Variants in ECH1 observed in about 807,000 individuals in gnomAD.
ECH1 encodes the protein enoyl-CoA hydratase 1, also known as delta(3,5)-Delta(2,4)-dienoyl-CoA isomerase, mitochondrial.
ECH1 carries 30 observed loss-of-function variants against 37.0 expected under a neutral mutation model. That is an observed-to-expected ratio of 0.81 (90% CI 0.61 to 1.10). The LOEUF is 1.10. Ranked by LOEUF, ECH1 falls within the 50% of genes least tolerant of loss-of-function variation. The pLI is 0.00. For synonymous variants in ECH1, 178 were observed against 176.0 expected, an observed-to-expected ratio of 1.01 and a Z score of -0.09; for missense variants, 456 against 441.6, an observed-to-expected ratio of 1.03 and a Z score of -0.29.
Position 38,816,348 on chromosome 19 carries a change from T to C in ECH1, c.667A>G (p.Asn223Asp). Residue 223 changes from asparagine to aspartate, a missense_variant, in exon 8 of 10, where the codon AAC (asparagine) becomes GAC (aspartate). Physicochemically the swap from Asn to Asp is conservative, Grantham distance 23. Coordinates refer to ENST00000221418, the MANE Select transcript of ECH1 (RefSeq NM_001398.3). ...TTGCGGGCGGTGAAGGCCAGCTCGTTGACCAGGCTGCAAAGGCAAGCGTGC... is the reference window on the plus strand; with the variant it reads ...TTGCGGGCGGTGAAGGCCAGCTCGTCGACCAGGCTGCAAAGGCAAGCGTGC... ...PKVIGNQSLV[N>D]ELAFTARKMM... 1 of 1,613,930 alleles carries C rather than the reference T, an allele frequency of 6.2e-7. No individual in the cohort carries two copies. The highest frequency in any genetic ancestry group is 2.2e-5 in the East Asian group (1 of 44,862).
rs1479867524 is a variant in ECH1 at position 38,831,705 on chromosome 19, G to A, written c.52+16C>T. 1.2e-6 allele frequency: 2 copies of A among 1,613,702 alleles called. No individual in the cohort carries two copies. Among genetic ancestry groups the A allele is most frequent in the Non-Finnish European group, 1.7e-6 (2 of 1,179,906 alleles). On this transcript the variant is annotated intron_variant, in intron 1 of 9. Transcript: ENST00000221418. ...CGACAGCGCGACGCACCCCCATAAG[G>A]CAAGAGGTGACTCACGCCGGGTCAG...
At chr19:38,817,194 G>A (rs1174864054) in intron 5 of ECH1, 65 bp from the exon 6 acceptor site, 8 of 1,551,122 alleles carry the variant, frequency 5.2e-6, no homozygotes, top group East Asian at 4.9e-5. Context: ...CGGGAGGTGG[G>A]GCTGCCTCTT....
rs1971559171 is a variant in ECH1 at position 38,815,623 on chromosome 19, G to C, written c.977C>G (p.Ser326Cys). ...GGGACGCGAGGGCTCTCAGAGCTTG[G>C]AGAAGGTGACGGTTTTCAGTTCCTT... ...ENKELKTVTF[S>C]KL Residue 326 changes from serine (S) to cysteine (C), a missense_variant, in exon 10 of 10, where the codon TCC becomes TGC. By Grantham distance (112) the Ser-to-Cys change is moderately radical. Transcript: ENST00000221418. 6 of 1,614,114 alleles carry C rather than the reference G, an allele frequency of 3.7e-6. No homozygotes were observed. The highest frequency in any genetic ancestry group is 4.2e-6 in the Non-Finnish European group (5 of 1,180,054).
At chr19:38,818,229 C>G in intron 3 of ECH1, 1 of 985,418 alleles carries the variant, frequency 1.0e-6, no homozygotes, top group Non-Finnish European at 1.2e-6. Context: ...AGATGCCAGA[C>G]AGCCTGGGAC....
At chr19:38,816,068 G>A (rs920094266) in intron 8 of ECH1, 61 bp from the exon 9 acceptor site, 6 of 1,598,658 alleles carry the variant, frequency 3.8e-6, no homozygotes, top group Middle Eastern at 2.3e-4. Context: ...CCAGCCTCCC[G>A]CAGATGAAGA....
chr19:38,831,212 T>G (rs547787126), intron 2 of ECH1, 46 bp from the exon 3 acceptor site: 1 of 1,603,354 alleles, frequency 6.2e-7, no homozygotes, highest in Non-Finnish European at 8.5e-7. Flanking sequence ...GGGAATACCC[T>G]GCCCTCATGT....
intron 3 of ECH1, among the ~76,000 whole-genome samples, chr19:38,827,218 G>A (rs1186822880): frequency 1.3e-5 from 2 of 152,194 alleles, no homozygotes; most frequent in African/African-American, 2.4e-5. Flanking sequence ...CTTCCCCACT[G>A]AGTTGGGAAC....
chr19:38,817,608 C>T (rs1357067878), intron 3 of ECH1, 33 bp from the exon 4 acceptor site: 9 of 1,560,016 alleles, frequency 5.8e-6, no homozygotes, highest in Non-Finnish European at 7.9e-6. Flanking sequence ...CTCATCCAGG[C>T]TCCCAGGCCC....
intron 3 of ECH1, chr19:38,818,270 A>G: frequency 3.0e-6 from 3 of 985,430 alleles, no homozygotes; most frequent in Non-Finnish European, 3.6e-6. Flanking sequence ...AATGCAGTCA[A>G]TGGTGGTGAT....
chr19:38,830,718 T>C (rs1971806727), intron 3 of ECH1, among the ~76,000 whole-genome samples: 1 of 150,394 alleles, frequency 6.6e-6, no homozygotes, highest in Non-Finnish European at 1.5e-5. Context: ...TTCAGGCCTA[T>C]AATCCCAGCA....
Position 38,817,484 on chromosome 19 carries a change from A to G in ECH1, c.441T>C (p.Thr147=). The part of the protein sequence containing the change: ...RISWYLRDII[T]RYQETFNVIE... ...TGACGTTGAAGGTCTCCTGGTATCG[A>G]GTGATGATGTCACGGAGGTACCAGC... The change falls in exon 4 of 10, where the codon ACT becomes ACC. Residue 147 remains threonine (T), a synonymous_variant. Coordinates refer to ENST00000221418, the MANE Select transcript of ECH1 (RefSeq NM_001398.3). The G allele has an allele frequency of 6.2e-7, 1 of 1,613,932 alleles. No individual in the cohort carries two copies.
intron 8 of ECH1, 48 bp downstream of exon 8, chr19:38,816,236 C>T (rs780580416): frequency 4.4e-6 from 7 of 1,605,458 alleles, no homozygotes; most frequent in Admixed American, 1.7e-5. Flanking sequence ...CTCCAACCCT[C>T]CAGGCCTGGC....
intron 3 of ECH1, 129 bp downstream of exon 3, chr19:38,830,949 C>T (rs572795388): frequency 8.8e-5 from 69 of 785,766 alleles, no homozygotes; most frequent in African/African-American, 8.5e-4. Flanking sequence ...AGCAAGACCC[C>T]GTCTCAAAAA....
At chr19:38,819,885 C>G (rs1427777233) in intron 3 of ECH1, among the ~76,000 whole-genome samples, 2 of 151,816 alleles carry the variant, frequency 1.3e-5, no homozygotes, top group East Asian at 3.9e-4. Context: ...CCAGGAGTTG[C>G]AGGCTGCGGT....
chr19:38,827,735 C>T (rs1971759568), intron 3 of ECH1, among the ~76,000 whole-genome samples: 1 of 152,150 alleles, frequency 6.6e-6, no homozygotes, highest in Admixed American at 6.5e-5. Flanking sequence ...GGCACGACCA[C>T]AGCTCACTGC....
rs547413368 is a variant in ECH1, at chr19:38,821,780, C to T, written c.350-4205G>A. Among the ~76,000 whole-genome samples, 12 of 152,268 alleles carry T rather than the reference C, an allele frequency of 7.9e-5. No homozygotes were observed. The South Asian group carries it at 1.2e-3, about 16-fold the overall frequency. ...AGCCTGCCATGCCCGAGCCTCCCCC[C>T]GCCGCCGTGGGCTCCTGCACAGCCC... On this transcript the variant is annotated intron_variant, in intron 3 of 9. Transcript: ENST00000221418.
chr19:38,825,913 G>T (rs1011197113), intron 3 of ECH1, among the ~76,000 whole-genome samples: 1 of 152,188 alleles, frequency 6.6e-6, no homozygotes, highest in Non-Finnish European at 1.5e-5. Context: ...CCCGGGGCAA[G>T]CGCCAGCTCA....
chr19:38,825,634 A>G (rs921370262), intron 3 of ECH1, among the ~76,000 whole-genome samples: 2 of 152,182 alleles, frequency 1.3e-5, no homozygotes, highest in African/African-American at 4.8e-5. Context: ...GAGATTGGAG[A>G]AAGGCCGCAG....
At chr19:38,818,921 G>GTGTGTGTGTA (rs1971618135) in intron 3 of ECH1, among the ~76,000 whole-genome samples, 1 of 135,176 alleles carries the variant, frequency 7.4e-6, no homozygotes, top group Non-Finnish European at 1.6e-5. Flanking sequence ...GTGTGTGTGT[G>GTGTGTGTGTA]TGTGTGTGTG....
Sources: gnomAD v4.1 joint callset for allele counts (sites outside exome capture counted in the v4.1 genomes callset) on GRCh38, gnomAD v4.1.1 for gene constraint, MANE v1.5 for transcripts, NCBI Gene and HGNC (gene_info 2026-07-23, HGNC 2026-07-21) for gene names.